Variants in AGBL1 observed in about 807,000 individuals in gnomAD.
AGBL1 encodes the protein cytosolic carboxypeptidase 4.
In AGBL1, 130 loss-of-function variants were observed where a neutral mutation model predicts 118.9. The observed-to-expected ratio is 1.09, with a 90% CI of 0.95 to 1.26. The LOEUF (loss-of-function observed/expected upper bound fraction) is 1.26. Ranked by LOEUF, AGBL1 falls within the 50% of genes most tolerant of loss-of-function variation. The probability of loss-of-function intolerance (pLI) is 0.00; values close to 1 mark genes in which losing one functional copy is unlikely to be tolerated. For synonymous variants in AGBL1, 555 were observed against 478.9 expected, an observed-to-expected ratio of 1.16 and a Z score of -2.08; for missense variants, 1,584 against 1,298.1, an observed-to-expected ratio of 1.22 and a Z score of -3.38.
intron 18 of AGBL1, among the ~76,000 whole-genome samples, chr15:86,483,628 AG>A (rs2082679220): frequency 6.6e-6 from 1 of 152,052 alleles, no homozygotes; most frequent in African/African-American, 2.4e-5. Context: ...CCAAGGAGGC[AG>A]GGGGAAAAGT....
At chr15:86,116,583 T>C (rs1897772803) in intron 1 of AGBL1, 1 of 152,278 alleles carries the variant, frequency 6.6e-6, no homozygotes, top group Admixed American at 6.5e-5. Flanking sequence ...GAACTTACTC[T>C]CTCTTCTTGA....
intron 20 of AGBL1, among the ~76,000 whole-genome samples, chr15:86,549,554 T>TAA (rs564976329): frequency 6.7e-6 from 1 of 150,214 alleles, no homozygotes; most frequent in African/African-American, 2.4e-5. Context: ...CCAGAGATGC[T>TAA]AAAAAAAAAG....
chr15:86,136,877 C>T (rs1026752685), intron 1 of AGBL1, among the ~76,000 whole-genome samples: 1 of 152,204 alleles, frequency 6.6e-6, no homozygotes, highest in African/African-American at 2.4e-5. Flanking sequence ...ACCCCACAGA[C>T]TATGAAAGAC....
intron 22 of AGBL1, among the ~76,000 whole-genome samples, chr15:86,733,268 T>C (rs2077551036): frequency 6.6e-6 from 1 of 152,118 alleles, no homozygotes; most frequent in Admixed American, 6.6e-5. Context: ...GCACAGAATC[T>C]GAAGACCCAA....
chr15:86,522,224 T>A (rs185311355), intron 18 of AGBL1, among the ~76,000 whole-genome samples: 1 of 152,342 alleles, frequency 6.6e-6, no homozygotes. Context: ...AAAGGCACTC[T>A]GATTCTCTTG....
intron 21 of AGBL1, among the ~76,000 whole-genome samples, chr15:86,666,195 AG>A (rs747384323): frequency 6.6e-5 from 10 of 152,182 alleles, no homozygotes; most frequent in East Asian, 5.8e-4. Flanking sequence ...GAATTTATTT[AG>A]ATGTTCCTTG....
At chr15:86,712,457 C>T (rs1180226208) in intron 22 of AGBL1, among the ~76,000 whole-genome samples, 1 of 151,660 alleles carries the variant, frequency 6.6e-6, no homozygotes, top group African/African-American at 2.4e-5. Context: ...AGAGATTAGG[C>T]AATTGGGCTT....
At chr15:86,979,762 C>CAAA (rs2081211120) in intron 23 of AGBL1, among the ~76,000 whole-genome samples, 2 of 152,108 alleles carry the variant, frequency 1.3e-5, no homozygotes, top group Admixed American at 1.3e-4. Context: ...CTTGGCCTTC[C>CAAA]GAAGTGCTGG....
chr15:86,568,716 C>T (rs1283660265), intron 21 of AGBL1, among the ~76,000 whole-genome samples: 1 of 152,158 alleles, frequency 6.6e-6, no homozygotes, highest in Non-Finnish European at 1.5e-5. Context: ...CCTACTGAAT[C>T]TGCATTTTAA....
At chr15:86,264,038 T>C (rs1424593122) in intron 10 of AGBL1, among the ~76,000 whole-genome samples, 1 of 152,200 alleles carries the variant, frequency 6.6e-6, no homozygotes, top group African/African-American at 2.4e-5. Context: ...CTGTTTTGCA[T>C]TGGACTAGAC....
chr15:86,954,628 A>C (rs1444495559), intron 23 of AGBL1, among the ~76,000 whole-genome samples: 1 of 152,180 alleles, frequency 6.6e-6, no homozygotes, highest in Non-Finnish European at 1.5e-5. Flanking sequence ...ACATGGGAAC[A>C]TAGACGCTGT....
At chr15:86,296,215 C>CAAAAAA (rs10536464) in intron 17 of AGBL1, 1 of 103,314 alleles carries the variant, frequency 9.7e-6, no homozygotes, top group Non-Finnish European at 2.1e-5. Context: ...CTTAGGTAGG[C>CAAAAAA]AAAAAAAAAA....
intron 22 of AGBL1, among the ~76,000 whole-genome samples, chr15:86,856,976 C>A (rs2079492158): frequency 6.6e-6 from 1 of 152,206 alleles, no homozygotes; most frequent in South Asian, 2.1e-4. Flanking sequence ...CTGTGCCTAC[C>A]TGGTCTTCTT....
intron 1 of AGBL1, among the ~76,000 whole-genome samples, chr15:86,094,999 T>C (rs2141476592): frequency 6.6e-6 from 1 of 152,270 alleles, no homozygotes; most frequent in South Asian, 2.1e-4. Flanking sequence ...CACAGCTCCG[T>C]CTTCAGGTTT....
chr15:86,622,912 G>A (rs1366094775), intron 21 of AGBL1, among the ~76,000 whole-genome samples: 8 of 152,200 alleles, frequency 5.3e-5, no homozygotes, highest in Non-Finnish European at 8.8e-5. Flanking sequence ...GTCTGGAGGT[G>A]ATGAGAGACA....
intron 22 of AGBL1, among the ~76,000 whole-genome samples, chr15:86,864,575 A>C (rs943267492): frequency 6.6e-6 from 1 of 152,068 alleles, no homozygotes; most frequent in African/African-American, 2.4e-5. Context: ...GCTTGCCTTC[A>C]TACTACTCTA....
At chr15:86,690,855 A>G (rs1315956636) in intron 22 of AGBL1, among the ~76,000 whole-genome samples, 1 of 152,136 alleles carries the variant, frequency 6.6e-6, no homozygotes, top group Admixed American at 6.6e-5. Flanking sequence ...TTTCTCAGCA[A>G]TCTCATTAGT....
intron 1 of AGBL1, among the ~76,000 whole-genome samples, chr15:86,099,071 C>G (rs1205734927): frequency 6.6e-6 from 1 of 152,086 alleles, no homozygotes; most frequent in East Asian, 1.9e-4. Flanking sequence ...CTATGGCACA[C>G]AGCAAAAGTT....
intron 18 of AGBL1, among the ~76,000 whole-genome samples, chr15:86,465,648 A>G (rs978038850): frequency 6.6e-6 from 1 of 152,178 alleles, no homozygotes; most frequent in African/African-American, 2.4e-5. Context: ...GCAGTTGTAG[A>G]TAAGGGATGA....
Sources: allele counts gnomAD v4.1 joint callset (sites outside exome capture counted in the v4.1 genomes callset), GRCh38; gene constraint gnomAD v4.1.1; transcripts MANE v1.5; gene names NCBI Gene and HGNC (gene_info 2026-07-23, HGNC 2026-07-21).